The following STK39 variants were observed in gnomAD, a reference collection of about 807,000 sequenced individuals.
STK39 encodes serine/threonine kinase 39.
STK39 carries 20 observed loss-of-function variants against 77.8 expected under a neutral mutation model. That is an observed-to-expected ratio of 0.26 (90% CI 0.18 to 0.37). The LOEUF is 0.37. Ranked by LOEUF, STK39 falls within the 10% of genes least tolerant of loss-of-function variation. The pLI is 1.00. For missense variants in STK39, 479 were observed against 656.5 expected (o/e 0.73, Z 2.95); for synonymous variants, 246 against 234.1 (o/e 1.05, Z -0.47).
intron 5 of STK39, among the ~76,000 whole-genome samples, chr2:168,156,041 G>A (rs189296716): frequency 1.3e-5 from 2 of 152,310 alleles, no homozygotes; most frequent in Admixed American, 6.5e-5. Flanking sequence ...AGTCTGAAGG[G>A]AAGATGGGAA....
chr2:168,238,073 G>A (rs924365421), intron 1 of STK39, among the ~76,000 whole-genome samples: 11 of 152,192 alleles, frequency 7.2e-5, no homozygotes, highest in African/African-American at 2.7e-4. Flanking sequence ...ACTAAACAGA[G>A]TAGGAAATAA....
chr2:168,086,705 C>G (rs767977202), intron 10 of STK39, among the ~76,000 whole-genome samples: 1 of 152,054 alleles, frequency 6.6e-6, no homozygotes, highest in South Asian at 2.1e-4. Context: ...TATTTTCTAA[C>G]GGGAAGAGAA....
intron 17 of STK39, among the ~76,000 whole-genome samples, chr2:167,963,209 A>C (rs1412504653): frequency 2.0e-5 from 3 of 152,168 alleles, no homozygotes; most frequent in African/African-American, 7.2e-5. Context: ...CAGAATCCAG[A>C]GAGAATTTAA....
At chr2:167,985,482 A>G (rs931719092) in intron 16 of STK39, among the ~76,000 whole-genome samples, 2 of 152,188 alleles carry the variant, frequency 1.3e-5, no homozygotes, top group African/African-American at 2.4e-5. Flanking sequence ...ATATCTGCAC[A>G]TCATCTGAGA....
chr2:168,022,292 G>A (rs1288155935), intron 14 of STK39, among the ~76,000 whole-genome samples: 2 of 152,174 alleles, frequency 1.3e-5, no homozygotes, highest in African/African-American at 4.8e-5. Flanking sequence ...TTTGGTCAAA[G>A]GATATATGCA....
intron 1 of STK39, among the ~76,000 whole-genome samples, chr2:168,246,879 C>A (rs1690924009): frequency 1.3e-5 from 2 of 151,780 alleles, no homozygotes; most frequent in Non-Finnish European, 2.9e-5. Flanking sequence ...CGGCCACGGG[C>A]TGCGGTCCCG....
chr2:168,035,089 T>G (rs1353222602), intron 14 of STK39, among the ~76,000 whole-genome samples: 2 of 152,214 alleles, frequency 1.3e-5, no homozygotes, highest in Admixed American at 1.3e-4. Flanking sequence ...CGTTAATGAT[T>G]TGAGGTTGGC....
chr2:167,995,233 C>G (rs940014001), intron 16 of STK39, among the ~76,000 whole-genome samples: 7 of 151,948 alleles, frequency 4.6e-5, no homozygotes, highest in Non-Finnish European at 8.8e-5. Flanking sequence ...CCTCAGCCTG[C>G]TGAGTAGCTG....
intron 14 of STK39, among the ~76,000 whole-genome samples, chr2:168,049,999 CT>C (rs1185273743): frequency 7.9e-5 from 12 of 152,204 alleles, no homozygotes; most frequent in South Asian, 4.1e-4. Context: ...TCCAAATTAC[CT>C]TGTACTTTTA....
chr2:168,065,568 C>T (rs1464387794), intron 12 of STK39, among the ~76,000 whole-genome samples, 187 bp from the exon 13 acceptor site: 1 of 152,196 alleles, frequency 6.6e-6, no homozygotes, highest in Non-Finnish European at 1.5e-5. Context: ...GACCCCTAGG[C>T]CCCTCCTGGC....
intron 14 of STK39, among the ~76,000 whole-genome samples, chr2:168,044,862 G>T (rs959837924): frequency 2.0e-5 from 3 of 152,104 alleles, no homozygotes; most frequent in African/African-American, 7.2e-5. Flanking sequence ...GGCCAAACAG[G>T]TAATAATTCC....
chr2:168,117,209 G>A (rs1478874399), intron 10 of STK39, among the ~76,000 whole-genome samples: 2 of 152,112 alleles, frequency 1.3e-5, no homozygotes, highest in Non-Finnish European at 2.9e-5. Context: ...ATTTAGGTTC[G>A]GCTAAACCCT....
At chr2:168,010,430 C>G (rs1237140034) in intron 16 of STK39, among the ~76,000 whole-genome samples, 1 of 152,106 alleles carries the variant, frequency 6.6e-6, no homozygotes, top group Non-Finnish European at 1.5e-5. Flanking sequence ...AAAGTAGACC[C>G]CAAAGTTGAA....
chr2:168,136,379 A>G lies in STK39; in HGVS notation c.974+1709T>C, dbSNP rs552410421. Among the ~76,000 whole-genome samples, 4 of 96,538 alleles carry G rather than the reference A, an allele frequency of 4.1e-5. No individual in the cohort carries two copies. In the East Asian group the frequency reaches 9.4e-4, roughly 23 times the overall value. The allele number at this position is 96,538 out of a possible 152,430, so 63.3% of individuals were successfully genotyped here. On this transcript the variant is annotated intron_variant, in intron 8 of 17. Coordinates refer to ENST00000355999, the MANE Select transcript of STK39 (RefSeq NM_013233.3). ...CAAGACTCCGTCTCAAAAAAAAAAA[A>G]AAAAGAAAAGAAATAAAAAGGGTTT...
At chr2:168,050,449 G>C (rs1193545277) in intron 14 of STK39, among the ~76,000 whole-genome samples, 2 of 152,162 alleles carry the variant, frequency 1.3e-5, no homozygotes, top group Non-Finnish European at 2.9e-5. Context: ...TTAAATTAAG[G>C]ACCTTGTGAA....
chr2:168,055,235 T>G (rs1229297678), intron 14 of STK39, among the ~76,000 whole-genome samples: 1 of 152,242 alleles, frequency 6.6e-6, no homozygotes, highest in African/African-American at 2.4e-5. Context: ...GAGAACAGTT[T>G]AAGAATTATA....
intron 14 of STK39, among the ~76,000 whole-genome samples, chr2:168,054,440 T>TATC (rs1257845380): frequency 6.6e-6 from 1 of 152,252 alleles, no homozygotes; most frequent in Admixed American, 6.5e-5. Flanking sequence ...ACAACGTGCT[T>TATC]ATCATCGTGC....
In STK39 at chr2:168,065,345, G is replaced by GT. The variant is rs769606992; in HGVS notation, c.1278dup (p.Gln427ThrfsTer15). 1 of 1,614,096 alleles carries GT rather than the reference G, an allele frequency of 6.2e-7. No homozygotes were observed. The highest frequency in any genetic ancestry group is 8.5e-7 in the Non-Finnish European group (1 of 1,179,954). The stretch of plus-strand genomic sequence containing the variant: ...TGAGAGTCGTGCACAGAGAGGGACT[G>GT]TATTTGTTCGGGGATGGTGCTGGCA... On this transcript the variant is annotated frameshift_variant, in exon 13 of 18. Transcript: ENST00000355999. LOFTEE classifies it high-confidence loss of function.
chr2:168,085,261 C>A (rs1225991710), intron 10 of STK39, among the ~76,000 whole-genome samples: 4 of 152,218 alleles, frequency 2.6e-5, no homozygotes, highest in Non-Finnish European at 5.9e-5. Context: ...GCTTAAAGAA[C>A]AGAACTTGAG....
Sources: gnomAD v4.1 joint callset for allele counts (sites outside exome capture counted in the v4.1 genomes callset) on GRCh38, gnomAD v4.1.1 for gene constraint, MANE v1.5 for transcripts, NCBI Gene and HGNC (gene_info 2026-07-23, HGNC 2026-07-21) for gene names.